SHLD2: variants seen among roughly 807,000 people sequenced by gnomAD.
The protein encoded by SHLD2 is shieldin complex subunit 2.
A neutral mutation model predicts 73.2 loss-of-function variants in SHLD2; 30 were observed. The observed-to-expected ratio is 0.41, with a 90% CI of 0.31 to 0.56. The LOEUF (loss-of-function observed/expected upper bound fraction) is 0.56, where lower values mean the gene tolerates loss of function less well. SHLD2 is among the 20% of genes least tolerant of loss of function. The pLI, the probability that SHLD2 is intolerant of heterozygous loss-of-function variation, is 0.28. For missense variants in SHLD2, 745 were observed against 1,055.9 expected (o/e 0.71, Z 4.08); for synonymous variants, 285 against 370.1 (o/e 0.77, Z 2.64).
At chr10:87,094,873 G>A (rs1841694396), upstream of SHLD2, 1 of 849,554 alleles carries the variant, frequency 1.2e-6, no homozygotes, top group East Asian at 3.6e-5. The surrounding 1 kb of genome is among the most constrained non-coding windows in gnomAD (Gnocchi z 6.6). Flanking sequence ...GCCCTTTTAA[G>A]CCGCAGCTTC....
chr10:87,170,664 T>C lies in SHLD2; in HGVS notation c.1820T>C (p.Ile607Thr). Residue 607 changes from isoleucine to threonine, a missense_variant, in exon 5 of 10, where the codon ATA (isoleucine) becomes ACA (threonine). Transcript: ENST00000298786. ...GTACTAAGAGTTGTTGATTTCACTA[T>C]ACTGACAGGTAAATATTTTGACTGC... ...HAVLRVVDFTILTEAVYSYRG... is the reference protein window; with the variant it reads ...HAVLRVVDFTTLTEAVYSYRG... 6.2e-7 allele frequency: 1 copy of C among 1,602,754 alleles called. No individual in the cohort carries two copies. Among genetic ancestry groups the C allele is most frequent in the Non-Finnish European group, 8.5e-7 (1 of 1,176,092 alleles).
chr10:87,131,483 A>T (rs1243603969), intron 2 of SHLD2, among the ~76,000 whole-genome samples: 1 of 152,110 alleles, frequency 6.6e-6, no homozygotes, highest in African/African-American at 2.4e-5. Flanking sequence ...CTTTTGTCAC[A>T]TGTTTTCATT....
At chr10:87,158,488 A>C (rs1846591464) in intron 4 of SHLD2, among the ~76,000 whole-genome samples, 1 of 152,144 alleles carries the variant, frequency 6.6e-6, no homozygotes, top group South Asian at 2.1e-4. Flanking sequence ...ATAGGCACAA[A>C]ATTTTGCTTA....
intron 2 of SHLD2, among the ~76,000 whole-genome samples, chr10:87,130,423 C>T (rs1844345517): frequency 6.6e-6 from 1 of 150,988 alleles, no homozygotes; most frequent in Non-Finnish European, 1.5e-5. Context: ...TTCATTAAGC[C>T]TCCCCCGCAC....
At chr10:87,101,225 A>G (rs1030080739) in intron 2 of SHLD2, among the ~76,000 whole-genome samples, 1 of 152,236 alleles carries the variant, frequency 6.6e-6, no homozygotes, top group Non-Finnish European at 1.5e-5. Context: ...TATAGAATTC[A>G]AGAGAATCAA....
At chr10:87,165,523 T>C (rs1847136293) in intron 4 of SHLD2, among the ~76,000 whole-genome samples, 1 of 152,160 alleles carries the variant, frequency 6.6e-6, no homozygotes, top group African/African-American at 2.4e-5. Context: ...TTGCCAAAAA[T>C]GCATAACTTC....
At chr10:87,141,137 G>A (rs1845166295) in intron 2 of SHLD2, among the ~76,000 whole-genome samples, 2 of 151,882 alleles carry the variant, frequency 1.3e-5, no homozygotes, top group South Asian at 2.1e-4. Flanking sequence ...TTTAAAAAGG[G>A]GGGCATGGTG....
chr10:87,180,028 A>G, intron 7 of SHLD2, 47 bp from the exon 8 acceptor site: 1 of 1,424,410 alleles, frequency 7.0e-7, no homozygotes, highest in African/African-American at 1.4e-5. Context: ...AATTAAAGTT[A>G]TAATTTTGGC....
intron 7 of SHLD2, among the ~76,000 whole-genome samples, chr10:87,178,235 C>CA (rs71019476): frequency 0.18 from 5,712 of 30,994 alleles, 1,368 homozygotes; most frequent in East Asian, 0.29. Context: ...TACTCTGTCT[C>CA]AAAAAAAAAA....
At chr10:87,174,190 G>A (rs1847796479) in intron 6 of SHLD2, among the ~76,000 whole-genome samples, 2 of 150,942 alleles carry the variant, frequency 1.3e-5, no homozygotes, top group Non-Finnish European at 3.0e-5. Flanking sequence ...CCTCAAAATA[G>A]AGGTTTGCTG....
At chr10:87,125,797 G>T (rs1843961546) in intron 2 of SHLD2, among the ~76,000 whole-genome samples, 1 of 151,962 alleles carries the variant, frequency 6.6e-6, no homozygotes, top group Non-Finnish European at 1.5e-5. Context: ...CGTGGTGGCG[G>T]GTGCCTGTAA....
chr10:87,104,526 TTC>T, intron 2 of SHLD2, among the ~76,000 whole-genome samples: 1 of 150,552 alleles, frequency 6.6e-6, no homozygotes, highest in African/African-American at 2.4e-5. Context: ...AACAGCAAGA[TTC>T]TGTCTCAGAA....
chr10:87,180,119 A>T lies in SHLD2; in HGVS notation c.2215A>T (p.Ile739Phe). The T allele has an allele frequency of 6.2e-7, 1 of 1,613,886 alleles. No individual in the cohort carries two copies. Among genetic ancestry groups the T allele is most frequent in the East Asian group, 2.2e-5 (1 of 44,846 alleles). ...CCAGATTTCAGAGCTGGCATTTCCTATTACAGCATCTCAGAAGATAGCGCT... is the reference window on the plus strand; with the variant it reads ...CCAGATTTCAGAGCTGGCATTTCCTTTTACAGCATCTCAGAAGATAGCGCT... ...KAQISELAFP[I>F]TASQKIALNA... The change falls in exon 8 of 10, where the codon ATT (isoleucine) becomes TTT (phenylalanine). Residue 739 changes from isoleucine to phenylalanine, a missense_variant. Physicochemically the swap from Ile to Phe is conservative, Grantham distance 21. Around this residue, in one of 5 missense-constraint regions of SHLD2, gnomAD observed 418 missense variants for 567.8 expected, o/e 0.74. Transcript: ENST00000298786.
At chr10:87,106,144 C>T (rs1292428163) in intron 2 of SHLD2, among the ~76,000 whole-genome samples, 1 of 152,194 alleles carries the variant, frequency 6.6e-6, no homozygotes, top group Non-Finnish European at 1.5e-5. Context: ...GCTGGGATTA[C>T]AGGCACCTGC....
At chr10:87,178,001 C>T (rs1589655077) in intron 7 of SHLD2, among the ~76,000 whole-genome samples, 1 of 151,754 alleles carries the variant, frequency 6.6e-6, no homozygotes, top group South Asian at 2.1e-4. Context: ...TTTGGGAGGC[C>T]GAGGTGGGTG....
chr10:87,176,056 A>C lies in SHLD2; in HGVS notation c.2131A>C (p.Ile711Leu). 6.5e-7 allele frequency: 1 copy of C among 1,548,408 alleles called. No homozygotes were observed. Among genetic ancestry groups the C allele is most frequent in the Non-Finnish European group, 8.7e-7 (1 of 1,146,806 alleles). ...FQKSAPSFVKISDLATHLEDK... is the reference protein window; with the variant it reads ...FQKSAPSFVKLSDLATHLEDK... ...AAAAAGTGCACCCTCCTTTGTGAAGATATCAGACTTAGCAACCCACCTAGA... is the reference window on the plus strand; with the variant it reads ...AAAAAGTGCACCCTCCTTTGTGAAGCTATCAGACTTAGCAACCCACCTAGA... Residue 711 changes from isoleucine (I) to leucine (L), a missense_variant, in exon 7 of 10, where the codon ATA (isoleucine) becomes CTA (leucine). Coordinates refer to ENST00000298786, the MANE Select transcript of SHLD2 (RefSeq NM_001330112.2).
At chr10:87,182,906 G>T (rs564112000) in intron 8 of SHLD2, among the ~76,000 whole-genome samples, 7 of 151,840 alleles carry the variant, frequency 4.6e-5, no homozygotes, top group African/African-American at 1.7e-4. Flanking sequence ...CTCAGAGCAG[G>T]AAAGGCAAGA....
At chr10:87,103,457 C>G (rs1842398688) in intron 2 of SHLD2, among the ~76,000 whole-genome samples, 1 of 152,132 alleles carries the variant, frequency 6.6e-6, no homozygotes. Context: ...AACAATTTGG[C>G]TTAAACAGCA....
chr10:87,190,480 G>A lies in SHLD2; in HGVS notation c.2516-4G>A, dbSNP rs201303925. The A allele has an allele frequency of 3.7e-5, 59 of 1,611,510 alleles. No homozygotes were observed. The highest frequency in any genetic ancestry group is 6.7e-5 in the Admixed American group (4 of 59,984). On this transcript the variant is annotated splice_region_variant and splice_polypyrimidine_tract_variant and intron_variant, in intron 9 of 9. Transcript: ENST00000298786. ...TGGGAGCTCTGTGTTTTTGTCTTTT[G>A]CAGTTCCTTCCTCAGAGATCACCTA... is the stretch of plus-strand genomic sequence containing the variant.
Sources: gnomAD v4.1 joint callset for allele counts (sites outside exome capture counted in the v4.1 genomes callset) on GRCh38, gnomAD v4.1.1 for gene constraint, gnomAD v4.1.1 regional missense constraint, Gnocchi (gnomAD v3.1) non-coding constraint, MANE v1.5 for transcripts, NCBI Gene and HGNC (gene_info 2026-07-23, HGNC 2026-07-21) for gene names.